UNC13C: variants seen among roughly 807,000 people sequenced by gnomAD.
UNC13C encodes unc-13 homolog C.
Under a neutral mutation model 245.4 loss-of-function variants are expected in UNC13C, and 174 were observed. The ratio of observed to expected loss-of-function variants is 0.71; its 90% confidence interval spans 0.63 to 0.80. UNC13C has a LOEUF of 0.80. UNC13C is among the 30% of genes least tolerant of loss of function. The pLI, the probability that UNC13C is intolerant of heterozygous loss-of-function variation, is 0.00. For synonymous variants in UNC13C, 992 were observed against 895.1 expected (o/e 1.11, Z -1.93); for missense variants, 2,829 against 2,602.9 (o/e 1.09, Z -1.89).
intron 10 of UNC13C, among the ~76,000 whole-genome samples, chr15:54,286,655 A>G (rs377256646): frequency 3.7e-4 from 56 of 152,194 alleles, no homozygotes; most frequent in African/African-American, 1.3e-3. Flanking sequence ...TATCTAGGAG[A>G]CTCTATATCT....
chr15:54,167,706 T>G (rs1247180638), intron 4 of UNC13C, among the ~76,000 whole-genome samples: 1 of 150,470 alleles, frequency 6.6e-6, no homozygotes, highest in Non-Finnish European at 1.5e-5. Flanking sequence ...GCGTAAAAGT[T>G]AAAACTAACA....
chr15:54,424,848 A>G (rs2040726175), intron 19 of UNC13C, among the ~76,000 whole-genome samples: 1 of 151,800 alleles, frequency 6.6e-6, no homozygotes, highest in South Asian at 2.1e-4. Flanking sequence ...GAAAACAAAA[A>G]TGTTTCGTGG....
chr15:54,399,659 C>A (rs1350114854), intron 18 of UNC13C, among the ~76,000 whole-genome samples: 1 of 151,654 alleles, frequency 6.6e-6, no homozygotes, highest in Non-Finnish European at 1.5e-5. Context: ...AGAAAATGGA[C>A]CAGTTTTAAA....
intron 2 of UNC13C, among the ~76,000 whole-genome samples, chr15:54,021,022 G>T (rs181821156): frequency 6.6e-6 from 1 of 151,750 alleles, no homozygotes; most frequent in African/African-American, 2.4e-5. Context: ...TGATTCTCTT[G>T]TTTTTTTAAT....
At chr15:54,336,479 T>A (rs1028177201) in intron 16 of UNC13C, among the ~76,000 whole-genome samples, 5 of 145,992 alleles carry the variant, frequency 3.4e-5, no homozygotes, top group African/African-American at 1.2e-4. Flanking sequence ...TTAATTTTGG[T>A]CTACTTTATC....
chr15:54,199,039 C>T (rs1047599751), intron 4 of UNC13C, among the ~76,000 whole-genome samples: 2 of 151,750 alleles, frequency 1.3e-5, no homozygotes, highest in East Asian at 3.9e-4. Flanking sequence ...CAGAGGAATG[C>T]AAAATACACT....
chr15:54,416,952 C>T, intron 19 of UNC13C: 4 of 456,568 alleles, frequency 8.8e-6, no homozygotes, highest in South Asian at 3.1e-5. Context: ...TTTCTTCCCA[C>T]CAATCTTCAT....
At chr15:53,866,073 A>G in the UNC13C span, among the ~76,000 whole-genome samples, 1 of 152,206 alleles carries the variant, frequency 6.6e-6, no homozygotes, top group Non-Finnish European at 1.5e-5. Flanking sequence ...CAGATTAAAG[A>G]GGTAAGTAAA....
chr15:54,371,337 A>G (rs1389125029), intron 17 of UNC13C, among the ~76,000 whole-genome samples: 2 of 152,146 alleles, frequency 1.3e-5, no homozygotes, highest in African/African-American at 4.8e-5. Flanking sequence ...ATTATCAAAC[A>G]TTATCAAAAT....
chr15:53,898,323 G>T, the UNC13C span, among the ~76,000 whole-genome samples: 184 of 152,222 alleles, frequency 1.2e-3, no homozygotes, highest in Middle Eastern at 6.8e-3. Flanking sequence ...TATTTGAAAT[G>T]ATCAGGGTAA....
intron 4 of UNC13C, among the ~76,000 whole-genome samples, chr15:54,155,152 C>T (rs1028103866): frequency 2.0e-5 from 3 of 152,186 alleles, no homozygotes; most frequent in African/African-American, 7.2e-5. Flanking sequence ...TTCCTTGGGT[C>T]TTGTCTACAT....
intron 2 of UNC13C, among the ~76,000 whole-genome samples, chr15:54,024,234 A>G (rs897003159): frequency 6.6e-6 from 1 of 152,136 alleles, no homozygotes; most frequent in African/African-American, 2.4e-5. Flanking sequence ...AGCATTTAGG[A>G]CTCTAACTCT....
At chr15:54,138,704 A>AT (rs2031857203) in intron 2 of UNC13C, among the ~76,000 whole-genome samples, 1 of 151,938 alleles carries the variant, frequency 6.6e-6, no homozygotes, top group Non-Finnish European at 1.5e-5. Context: ...TTTAAATTGT[A>AT]TGTTTGCTGG....
chr15:54,497,904 A>C (rs1894027764), intron 20 of UNC13C, among the ~76,000 whole-genome samples: 1 of 152,078 alleles, frequency 6.6e-6, no homozygotes, highest in Non-Finnish European at 1.5e-5. Context: ...GACCAACCTA[A>C]AACCCAACAC....
intron 2 of UNC13C, among the ~76,000 whole-genome samples, chr15:54,051,841 A>T (rs1897280946): frequency 6.8e-6 from 1 of 147,088 alleles, no homozygotes; most frequent in African/African-American, 2.5e-5. Context: ...TACATGTGCC[A>T]TGCTGGTGCG....
At chr15:54,053,930 G>C (rs1272522318) in intron 2 of UNC13C, among the ~76,000 whole-genome samples, 1 of 152,108 alleles carries the variant, frequency 6.6e-6, no homozygotes, top group Non-Finnish European at 1.5e-5. Context: ...ACTTAACATA[G>C]TGACTTTCAG....
intron 30 of UNC13C, among the ~76,000 whole-genome samples, chr15:54,580,347 G>C (rs142605543): frequency 1.2e-3 from 187 of 152,298 alleles, no homozygotes; most frequent in African/African-American, 4.3e-3. Context: ...GGAATATAAG[G>C]TATGTTAAAT....
intron 4 of UNC13C, among the ~76,000 whole-genome samples, chr15:54,188,076 C>T (rs2034057577): frequency 6.6e-6 from 1 of 152,138 alleles, no homozygotes; most frequent in Non-Finnish European, 1.5e-5. Flanking sequence ...CTTTGGCCTC[C>T]CAAAGTGCTG....
upstream of UNC13C, among the ~76,000 whole-genome samples, chr15:53,976,475 C>CTTT (rs879775519): frequency 0.21 from 12,937 of 61,330 alleles, 2,025 homozygotes; most frequent in Non-Finnish European, 0.31. Context: ...CTCTCTCTCT[C>CTTT]TCTTTTTTTT....
Sources: allele counts gnomAD v4.1 joint callset (sites outside exome capture counted in the v4.1 genomes callset), GRCh38; gene constraint gnomAD v4.1.1; transcripts MANE v1.5; gene names NCBI Gene and HGNC (gene_info 2026-07-23, HGNC 2026-07-21).